CACNB4: variants seen among roughly 807,000 people sequenced by gnomAD.
CACNB4 encodes the protein calcium voltage-gated channel auxiliary subunit beta 4, also known as voltage-dependent L-type calcium channel subunit beta-4.
In CACNB4, 32 loss-of-function variants were observed where a neutral mutation model predicts 71.2. The ratio of observed to expected loss-of-function variants is 0.45; its 90% CI spans 0.34 to 0.60. The LOEUF (loss-of-function observed/expected upper bound fraction) is 0.60, where lower values mean the gene tolerates loss of function less well. Among genes scored for constraint, CACNB4 ranks in the 20% least tolerant of loss-of-function variants. CACNB4 has a pLI of 0.01. For missense variants in CACNB4, 464 were observed against 647.9 expected (o/e 0.72, Z 3.08); for synonymous variants, 231 against 236.9 (o/e 0.97, Z 0.23).
chr2:151,937,064 G>T (rs943761880), intron 2 of CACNB4, among the ~76,000 whole-genome samples: 17 of 152,312 alleles, frequency 1.1e-4, no homozygotes, highest in Admixed American at 1.3e-4. Flanking sequence ...CAGTAGTCAT[G>T]GAAAAGGCAC....
intron 13 of CACNB4, among the ~76,000 whole-genome samples, chr2:151,839,882 TA>T (rs1380686514): frequency 6.6e-6 from 1 of 152,168 alleles, no homozygotes; most frequent in Non-Finnish European, 1.5e-5. Context: ...GTGCTGTTCA[TA>T]AAATAAAGTG....
At chr2:152,068,855 A>G (rs139111447) in intron 2 of CACNB4, among the ~76,000 whole-genome samples, 15 of 152,310 alleles carry the variant, frequency 9.8e-5, no homozygotes, top group African/African-American at 3.4e-4. Flanking sequence ...AGAGATGTTG[A>G]TATCTTTGAG....
intron 2 of CACNB4, among the ~76,000 whole-genome samples, chr2:152,081,085 T>C (rs1207080468): frequency 1.3e-5 from 2 of 152,210 alleles, no homozygotes; most frequent in African/African-American, 4.8e-5. Context: ...TATTCTTTTA[T>C]AGCAATGCCA....
chr2:151,834,324 A>G lies in CACNB4; in HGVS notation c.*4795T>C, dbSNP rs2099834429. The G allele has an allele frequency of 6.6e-6, 1 of 152,062 alleles. No homozygotes were observed. The highest frequency in any genetic ancestry group is 1.5e-5 in the Non-Finnish European group (1 of 67,890). 9.4% of individuals were successfully genotyped at this position (152,062 alleles called of 1,614,324 possible). A position where few individuals can be genotyped will look rare whatever the true frequency, so the allele number is the denominator to read the frequency against. Reference sequence around the variant, plus strand: ...ACATTTTACATACATCATGAGAAACAAAAGAAAGTTTCATATATAACTACG... The same window carrying G: ...ACATTTTACATACATCATGAGAAACGAAAGAAAGTTTCATATATAACTACG... On this transcript the variant is annotated 3_prime_UTR_variant, in exon 14 of 14. Coordinates refer to ENST00000539935, the MANE Select transcript of CACNB4 (RefSeq NM_000726.5).
chr2:151,966,328 G>A (rs986305643), intron 2 of CACNB4, among the ~76,000 whole-genome samples: 2 of 152,068 alleles, frequency 1.3e-5, no homozygotes, highest in African/African-American at 4.8e-5. Flanking sequence ...CACCCAGGCT[G>A]GAGTGTAATG....
At chr2:152,017,483 G>A (rs969339068) in intron 2 of CACNB4, among the ~76,000 whole-genome samples, 5 of 120,462 alleles carry the variant, frequency 4.2e-5, no homozygotes, top group Non-Finnish European at 8.2e-5. Flanking sequence ...TGAGGCGGGC[G>A]GATCCCGAGG....
At position 151,920,921 on chromosome 2, in the gene CACNB4, G is replaced by A. The variant is rs530901348; in HGVS notation, c.148-37551C>T. Among the ~76,000 whole-genome samples, 14 of 152,050 alleles carry A rather than the reference G, an allele frequency of 9.2e-5. No homozygotes were observed. In the South Asian group the frequency reaches 2.5e-3, roughly 27 times the overall value. On this transcript the variant is annotated intron_variant, in intron 2 of 13. Transcript: ENST00000539935. ...TGGGAGGCCAAGGCGGACGGATCACGAGGTCAGGAGATCAAGACCATCCTG... is the reference window on the plus strand; with the variant it reads ...TGGGAGGCCAAGGCGGACGGATCACAAGGTCAGGAGATCAAGACCATCCTG...
intron 2 of CACNB4, among the ~76,000 whole-genome samples, chr2:152,016,240 T>TAATGGC (rs1459837358): frequency 6.6e-6 from 1 of 152,224 alleles, no homozygotes; most frequent in Non-Finnish European, 1.5e-5. Context: ...TTAAAATTAT[T>TAATGGC]AATGGCAAGA....
chr2:152,080,893 C>T (rs1687325870), intron 2 of CACNB4, among the ~76,000 whole-genome samples: 1 of 152,240 alleles, frequency 6.6e-6, no homozygotes, highest in African/African-American at 2.4e-5. Flanking sequence ...CCCCCTCTTG[C>T]TCCCAATCTC....
At position 152,098,370 on chromosome 2, in the gene CACNB4, G is replaced by C; in HGVS notation, c.107C>G (p.Ser36Cys). 1 of 1,613,772 alleles carries C rather than the reference G, an allele frequency of 6.2e-7. No individual in the cohort carries two copies. Among genetic ancestry groups the C allele is most frequent in the Non-Finnish European group, 8.5e-7 (1 of 1,179,708 alleles). The change falls in exon 2 of 14, where the codon TCC becomes TGC. Residue 36 changes from serine to cysteine, a missense_variant. Physicochemically the swap from Ser to Cys is moderately radical, Grantham distance 112. This residue lies in a region of CACNB4 where 50 missense variants were observed against 47.5 expected (regional missense o/e 1.05). Coordinates refer to ENST00000539935, the MANE Select transcript of CACNB4 (RefSeq NM_000726.5). This position sits in a 1 kb window ranked among gnomAD's most constrained non-coding sequence, Gnocchi z 5.3. ...TTTRRSRLKR[S>C]DGSTTSTSFI... is the part of the protein sequence containing the mutation. Reference sequence around the variant, plus strand: ...GCTGGTCGAAGTGGTGCTGCCATCGGATCTTTTCAACCTGCTCCTCCGGGT... The same window carrying C: ...GCTGGTCGAAGTGGTGCTGCCATCGCATCTTTTCAACCTGCTCCTCCGGGT...
intron 10 of CACNB4, chr2:151,858,723 A>C (rs1032385515): frequency 6.6e-6 from 1 of 152,176 alleles, no homozygotes; most frequent in Non-Finnish European, 1.5e-5. Context: ...CTCTCAAATC[A>C]CACCACCAAC....
chr2:152,018,885 G>T (rs946804457), intron 2 of CACNB4, among the ~76,000 whole-genome samples: 1 of 151,102 alleles, frequency 6.6e-6, no homozygotes, highest in African/African-American at 2.4e-5. Flanking sequence ...TTAAATAATT[G>T]ATACTACAAA....
At chr2:151,855,190 C>T (rs1419290825) in intron 11 of CACNB4, 34 bp downstream of exon 11, 1 of 1,471,114 alleles carries the variant, frequency 6.8e-7, no homozygotes, top group East Asian at 2.3e-5. Flanking sequence ...AAAAGATGCA[C>T]TTCTAAACCT....
intron 2 of CACNB4, among the ~76,000 whole-genome samples, chr2:151,901,247 TG>T (rs199630474): frequency 0.01 from 1,566 of 152,162 alleles, 27 homozygotes; most frequent in African/African-American, 0.034. Flanking sequence ...AGCCTTGCAG[TG>T]TTAGAATTAC....
In CACNB4 at chr2:151,837,758, TTAA is replaced by T. The variant is rs965780011; in HGVS notation, c.*1358_*1360del. On this transcript the variant is annotated 3_prime_UTR_variant, in exon 14 of 14. Coordinates refer to ENST00000539935, the MANE Select transcript of CACNB4 (RefSeq NM_000726.5). ...TAGCCACTGGAAAAACTGTGAAGAC[TTAA>T]TAAGATGAAGAGGAGTGTTCATTAG... 5.3e-5 allele frequency: 8 copies of T among 152,238 alleles called. No homozygotes were observed. Among genetic ancestry groups the T allele is most frequent in the African/African-American group, 1.4e-4 (6 of 41,574 alleles). The allele number at this position is 152,238 out of a possible 1,614,324, so 9.4% of individuals were successfully genotyped here. A position where few individuals can be genotyped will look rare whatever the true frequency, so the allele number is the denominator to read the frequency against.
intron 2 of CACNB4, among the ~76,000 whole-genome samples, chr2:152,069,132 G>C (rs1049417356): frequency 2.0e-5 from 3 of 152,160 alleles, no homozygotes; most frequent in Non-Finnish European, 4.4e-5. Flanking sequence ...CGCTGTCCAG[G>C]GTGGACATTT....
intron 2 of CACNB4, among the ~76,000 whole-genome samples, chr2:151,965,131 A>G (rs1181876031): frequency 6.6e-6 from 1 of 152,248 alleles, no homozygotes; most frequent in East Asian, 1.9e-4. Context: ...GTTAGATGAT[A>G]TTAAGCTATC....
At chr2:152,000,204 A>C (rs892898971) in intron 2 of CACNB4, among the ~76,000 whole-genome samples, 1 of 152,172 alleles carries the variant, frequency 6.6e-6, no homozygotes, top group Non-Finnish European at 1.5e-5. Flanking sequence ...CCTCCCTGCC[A>C]AGGCTTCACC....
At chr2:152,013,635 G>A (rs761376928) in intron 2 of CACNB4, among the ~76,000 whole-genome samples, 9 of 152,096 alleles carry the variant, frequency 5.9e-5, no homozygotes, top group East Asian at 3.9e-4. Flanking sequence ...AGCATGCCCC[G>A]TGCAAAGGAC....
Sources: gnomAD v4.1 joint callset for allele counts (sites outside exome capture counted in the v4.1 genomes callset) on GRCh38, gnomAD v4.1.1 for gene constraint, gnomAD v4.1.1 regional missense constraint, Gnocchi (gnomAD v3.1) non-coding constraint, MANE v1.5 for transcripts, NCBI Gene and HGNC (gene_info 2026-07-23, HGNC 2026-07-21) for gene names.